BSND: variants seen among roughly 807,000 people sequenced by gnomAD.
BSND encodes the protein barttin CLCNK type accessory subunit beta.
BSND carries 13 observed loss-of-function variants against 18.8 expected under a neutral mutation model. The observed-to-expected ratio is 0.69, with a 90% CI of 0.45 to 1.10. The LOEUF is 1.10. BSND is among the 50% of genes least tolerant of loss of function. The pLI is 0.00. For synonymous variants in BSND, 170 were observed against 161.8 expected (o/e 1.05, Z -0.39); for missense variants, 379 against 416.7 (o/e 0.91, Z 0.79).
rs1448907997 is a variant in BSND at position 54,999,081 on chromosome 1, G to A, written c.-106G>A. ...CTCCCTTGAAGCCTTGAGTTGCAGC[G>A]ATTTCAGTGTCTTCTCTCCCTGTGT... On this transcript the variant is annotated 5_prime_UTR_variant, in exon 1 of 4. Coordinates refer to ENST00000651561, the MANE Select transcript of BSND (RefSeq NM_057176.3). 1.7e-5 allele frequency: 24 copies of A among 1,400,766 alleles called. No homozygotes were observed. Among genetic ancestry groups the A allele is most frequent in the Non-Finnish European group, 2.0e-5 (20 of 1,005,024 alleles). 86.8% of individuals were successfully genotyped at this position (1,400,766 alleles called of 1,614,324 possible).
At position 54,999,241 on chromosome 1, in the gene BSND, C is replaced by G. The variant is rs778929707; in HGVS notation, c.55C>G (p.Leu19Val). 6.2e-6 allele frequency: 10 copies of G among 1,614,144 alleles called. No homozygotes were observed. The highest frequency in any genetic ancestry group is 4.5e-5 in the East Asian group (2 of 44,860). ...CTTCATTGTGCTGGGGCTTTTCCTG[C>G]TGGCCCTCGGTACGTTCCTCATGAG... ...IGFIVLGLFL[L>V]ALGTFLMSHD... The change falls in exon 1 of 4, where the codon CTG becomes GTG. Residue 19 changes from leucine (L) to valine (V), a missense_variant. Transcript: ENST00000651561.
At chr1:55,001,667 G>T (rs1644362421) in intron 1 of BSND, among the ~76,000 whole-genome samples, 1 of 152,194 alleles carries the variant, frequency 6.6e-6, no homozygotes, top group South Asian at 2.1e-4. Context: ...ATACCAACAT[G>T]CATTAAGCTG....
chr1:55,007,250 C>T lies in BSND; in HGVS notation c.526C>T (p.Arg176Cys), dbSNP rs201991745. The change falls in exon 3 of 4, where the codon CGC becomes TGC. Residue 176 changes from arginine to cysteine, a missense_variant. Physicochemically the swap from Arg to Cys is radical, Grantham distance 180 (BLOSUM62 -3). Coordinates refer to ENST00000651561, the MANE Select transcript of BSND (RefSeq NM_057176.3). ...CTCAGACGAGAGTGAAGGGGAAAGA[C>T]GCCTAACTCAGAGCTGGCCCGGGTG... is the stretch of plus-strand genomic sequence containing the variant. ...KGSDESEGER[R>C]LTQSWPGPLA... The T allele has an allele frequency of 4.3e-5, 69 of 1,609,306 alleles. No homozygotes were observed. In the East Asian group the frequency reaches 1.1e-3, roughly 25 times the overall value.
At chr1:55,003,608 G>C (rs952219525) in intron 1 of BSND, among the ~76,000 whole-genome samples, 1 of 152,156 alleles carries the variant, frequency 6.6e-6, no homozygotes, top group South Asian at 2.1e-4. Flanking sequence ...GAATAGGGAA[G>C]TGCTATTTAT....
chr1:55,005,154 C>A (rs185732878), intron 2 of BSND, 38 bp downstream of exon 2: 2 of 1,590,168 alleles, frequency 1.3e-6, no homozygotes. Context: ...AGGAGTAAGC[C>A]CCATAGGCCA....
At position 55,007,242 on chromosome 1, in the gene BSND, G is replaced by T. The variant is rs1644396256; in HGVS notation, c.518G>T (p.Gly173Val). 1 of 1,611,182 alleles carries T rather than the reference G, an allele frequency of 6.2e-7. No homozygotes were observed. The highest frequency in any genetic ancestry group is 1.3e-5 in the African/African-American group (1 of 74,966). ...VIHKGSDESE[G>V]ERRLTQSWPG... is the part of the protein sequence containing the mutation. ...CACAAGGGCTCAGACGAGAGTGAAG[G>T]GGAAAGACGCCTAACTCAGAGCTGG... is the stretch of plus-strand genomic sequence containing the variant. Residue 173 changes from glycine to valine, a missense_variant, in exon 3 of 4, where the codon GGG becomes GTG. Gly to Val is a moderately radical substitution (Grantham distance 109). Coordinates refer to ENST00000651561, the MANE Select transcript of BSND (RefSeq NM_057176.3).
At chr1:55,006,696 A>G (rs987016864) in intron 2 of BSND, among the ~76,000 whole-genome samples, 53 of 152,332 alleles carry the variant, frequency 3.5e-4, no homozygotes, top group African/African-American at 1.2e-3. Context: ...GGACCCGGCA[A>G]ACTCAATGTT....
chr1:55,006,589 C>T (rs530504275), intron 2 of BSND, among the ~76,000 whole-genome samples: 1 of 152,342 alleles, frequency 6.6e-6, no homozygotes, highest in East Asian at 1.9e-4. Flanking sequence ...ATGTCCTCAT[C>T]TGTAAACTGG....
intron 1 of BSND, among the ~76,000 whole-genome samples, chr1:55,001,677 G>A (rs1246126712): frequency 6.6e-6 from 1 of 152,192 alleles, no homozygotes; most frequent in East Asian, 1.9e-4. Flanking sequence ...GCATTAAGCT[G>A]TCCATGTCTT....
intron 1 of BSND, among the ~76,000 whole-genome samples, chr1:54,999,960 C>T (rs935778968): frequency 1.3e-5 from 2 of 152,124 alleles, no homozygotes; most frequent in Non-Finnish European, 2.9e-5. Context: ...TTCATGTATT[C>T]TCAGCCTTAT....
chr1:55,004,228 A>C (rs759485593), intron 1 of BSND, among the ~76,000 whole-genome samples: 4 of 152,238 alleles, frequency 2.6e-5, no homozygotes, highest in Non-Finnish European at 5.9e-5. Context: ...TTATCCATTC[A>C]TTCATCAGTG....
At position 55,015,431 on chromosome 1, in the gene BSND, G is replaced by A. The variant is rs2864123; in HGVS notation, c.*6803G>A. On this transcript the variant is annotated 3_prime_UTR_variant, in exon 4 of 4. Coordinates refer to ENST00000651561, the MANE Select transcript of BSND (RefSeq NM_057176.3). ...CAGTTCACAGATGACCCAGGACAAG[G>A]GCAAATGAGGGCCCCAGTGACTCAG... 0.058 allele frequency among the ~76,000 whole-genome samples: 8,826 copies of A among 152,216 alleles called. 415 individuals carry two copies. Among genetic ancestry groups the A allele is most frequent in the South Asian group, 0.098 (471 of 4,822 alleles).
Position 54,999,146 on chromosome 1 carries a change from C to G in BSND, c.-41C>G. 1 of 1,611,638 alleles carries G rather than the reference C, an allele frequency of 6.2e-7. No individual in the cohort carries two copies. Among genetic ancestry groups the G allele is most frequent in the Non-Finnish European group, 8.5e-7 (1 of 1,179,614 alleles). On this transcript the variant is annotated 5_prime_UTR_variant, in exon 1 of 4. Coordinates refer to ENST00000651561, the MANE Select transcript of BSND (RefSeq NM_057176.3). ...GTTTAGGCTGAACTACAGCCACCCCCTCTCCCGGGGGTGTGCAGGCCAGGG... is the reference window on the plus strand; with the variant it reads ...GTTTAGGCTGAACTACAGCCACCCCGTCTCCCGGGGGTGTGCAGGCCAGGG...
chr1:55,007,233 A>G lies in BSND; in HGVS notation c.509A>G (p.Glu170Gly). Residue 170 changes from glutamate to glycine, a missense_variant, in exon 3 of 4, where the codon GAG becomes GGG. Physicochemically the swap from Glu to Gly is moderately conservative, Grantham distance 98. Coordinates refer to ENST00000651561, the MANE Select transcript of BSND (RefSeq NM_057176.3). ...AAVVIHKGSDESEGERRLTQS... is the reference protein window; with the variant it reads ...AAVVIHKGSDGSEGERRLTQS... ...GTGGTCATCCACAAGGGCTCAGACG[A>G]GAGTGAAGGGGAAAGACGCCTAACT... is the stretch of plus-strand genomic sequence containing the variant. 6.2e-7 allele frequency: 1 copy of G among 1,612,114 alleles called. No individual in the cohort carries two copies. The highest frequency in any genetic ancestry group is 1.3e-5 in the African/African-American group (1 of 74,964).
chr1:55,000,688 G>A (rs752632687), intron 1 of BSND, among the ~76,000 whole-genome samples: 1 of 152,228 alleles, frequency 6.6e-6, no homozygotes, highest in Non-Finnish European at 1.5e-5. Context: ...GTGCTGGAGC[G>A]GTCTGGGCTG....
In BSND at chr1:55,014,669, G is replaced by C. The variant is rs547650053; in HGVS notation, c.*6041G>C. ...CCTGTCAATGGACCCAGCTGGGCTG[G>C]TGGCATCAGACTCTCCTGGGAAACT... is the stretch of plus-strand genomic sequence containing the variant. On this transcript the variant is annotated 3_prime_UTR_variant, in exon 4 of 4. Coordinates refer to ENST00000651561, the MANE Select transcript of BSND (RefSeq NM_057176.3). 6.6e-6 allele frequency among the ~76,000 whole-genome samples: 1 copy of C among 152,332 alleles called. No individual in the cohort carries two copies. Among genetic ancestry groups the C allele is most frequent in the East Asian group, 1.9e-4 (1 of 5,188 alleles).
At chr1:55,003,299 C>A (rs1644372872) in intron 1 of BSND, among the ~76,000 whole-genome samples, 1 of 152,146 alleles carries the variant, frequency 6.6e-6, no homozygotes, top group South Asian at 2.1e-4. Flanking sequence ...TAGCTCACTG[C>A]AGCCTCGAAC....
At chr1:55,001,312 T>C (rs995561288) in intron 1 of BSND, among the ~76,000 whole-genome samples, 1 of 151,236 alleles carries the variant, frequency 6.6e-6, no homozygotes, top group Non-Finnish European at 1.5e-5. Flanking sequence ...GGATTGAGGA[T>C]TGGTATTTGC....
rs1644426055 is a variant in BSND at position 55,012,270 on chromosome 1, ACT to A, written c.*3643_*3644del. ...CCACTTCTGCTCCCAGTCCCTGAGC[ACT>A]GTGTGCCTGTCACCATGCAAGACAC... On this transcript the variant is annotated 3_prime_UTR_variant, in exon 4 of 4. Coordinates refer to ENST00000651561, the MANE Select transcript of BSND (RefSeq NM_057176.3). Among the ~76,000 whole-genome samples the A allele has an allele frequency of 1.3e-5, 2 of 152,144 alleles. No homozygotes were observed. The highest frequency in any genetic ancestry group is 6.5e-5 in the Admixed American group (1 of 15,278).
Sources: gnomAD v4.1 joint callset for allele counts (sites outside exome capture counted in the v4.1 genomes callset) on GRCh38, gnomAD v4.1.1 for gene constraint, MANE v1.5 for transcripts, NCBI Gene and HGNC (gene_info 2026-07-23, HGNC 2026-07-21) for gene names.